The following ACTR3C variants were observed in gnomAD, a reference collection of about 807,000 sequenced individuals.
The protein encoded by ACTR3C is actin-related protein 3C.
A neutral mutation model predicts 26.3 loss-of-function variants in ACTR3C; 18 were observed. The observed-to-expected ratio is 0.68, with a 90% CI of 0.47 to 1.01. The LOEUF is 1.01. Among genes scored for constraint, ACTR3C ranks in the 50% least tolerant of loss-of-function variants. ACTR3C has a pLI of 0.00. For missense variants in ACTR3C, 184 were observed against 250.7 expected, an observed-to-expected ratio of 0.73 and a Z score of 1.80; for synonymous variants, 55 against 94.5, an observed-to-expected ratio of 0.58 and a Z score of 2.42.
chr7:150,299,464 CAAA>C (rs759969034), intron 1 of ACTR3C, among the ~76,000 whole-genome samples: 333 of 14,038 alleles, frequency 0.024, 1 homozygote, highest in African/African-American at 0.069. Context: ...GACCCCCTCT[CAAA>C]AAAAAAAAAA....
chr7:149,887,560 T>C, the ACTR3C span, among the ~76,000 whole-genome samples: 1 of 152,160 alleles, frequency 6.6e-6, no homozygotes, highest in Non-Finnish European at 1.5e-5. Flanking sequence ...ATAAACTGGC[T>C]CCCAGAGCTG....
the ACTR3C span, among the ~76,000 whole-genome samples, chr7:150,194,286 T>C: frequency 6.8e-6 from 1 of 147,186 alleles, no homozygotes; most frequent in East Asian, 1.9e-4. Flanking sequence ...TTATATAATA[T>C]ATAAAAGTCT....
chr7:150,316,040 A>C (rs1489392859), intron 1 of ACTR3C, among the ~76,000 whole-genome samples: 1 of 152,224 alleles, frequency 6.6e-6, no homozygotes, highest in Non-Finnish European at 1.5e-5. Context: ...TCTACTAAAA[A>C]TACGAAATTA....
the ACTR3C span, among the ~76,000 whole-genome samples, chr7:150,127,828 T>C: frequency 6.6e-5 from 10 of 151,590 alleles, no homozygotes; most frequent in African/African-American, 2.4e-4. Context: ...CACCGTTACA[T>C]CTAACCCACT....
chr7:149,910,034 T>C, the ACTR3C span, among the ~76,000 whole-genome samples: 1 of 148,902 alleles, frequency 6.7e-6, no homozygotes, highest in South Asian at 2.1e-4. Flanking sequence ...GTGAAGAAAG[T>C]AGAAATTATC....
the ACTR3C span, among the ~76,000 whole-genome samples, chr7:150,158,962 C>CGT: frequency 3.5e-5 from 5 of 144,034 alleles, no homozygotes; most frequent in Admixed American, 1.4e-4. Context: ...CAGGTACACA[C>CGT]GTGCGCACAC....
At chr7:149,894,610 C>G in the ACTR3C span, among the ~76,000 whole-genome samples, 42 of 152,120 alleles carry the variant, frequency 2.8e-4, 1 homozygote, top group South Asian at 8.1e-3. Flanking sequence ...AGAAGACATA[C>G]AAATGGCCAA....
chr7:150,086,764 G>A, the ACTR3C span, among the ~76,000 whole-genome samples: 61 of 152,256 alleles, frequency 4.0e-4, no homozygotes, highest in South Asian at 9.9e-3. Context: ...CAATGTGACC[G>A]GGATCTGATG....
At chr7:150,236,013 C>T in the ACTR3C span, among the ~76,000 whole-genome samples, 29 of 149,672 alleles carry the variant, frequency 1.9e-4, no homozygotes, top group South Asian at 6.1e-3. Flanking sequence ...ACTGGTTAAA[C>T]TTTCTACCAT....
chr7:150,043,607 G>A, the ACTR3C span, among the ~76,000 whole-genome samples: 1 of 152,232 alleles, frequency 6.6e-6, no homozygotes, highest in Non-Finnish European at 1.5e-5. Context: ...GGGATCAAGA[G>A]AGGGCAACAT....
At chr7:150,044,448 GT>G in the ACTR3C span, among the ~76,000 whole-genome samples, 1 of 152,026 alleles carries the variant, frequency 6.6e-6, no homozygotes, top group Non-Finnish European at 1.5e-5. Context: ...AGACCCTCTG[GT>G]TTTATTTCTA....
chr7:150,161,222 A>ATATATATATATATTTATT, the ACTR3C span, among the ~76,000 whole-genome samples: 1 of 120,380 alleles, frequency 8.3e-6, no homozygotes, highest in Non-Finnish European at 1.7e-5. Flanking sequence ...ATATATATAT[A>ATATATATATATATTTATT]TATTTATTAT....
intron 4 of ACTR3C, among the ~76,000 whole-genome samples, chr7:150,287,291 G>A (rs1375505770): frequency 3.9e-5 from 6 of 152,094 alleles, no homozygotes; most frequent in African/African-American, 1.2e-4. Flanking sequence ...GACATGGTAG[G>A]TTATAAAGTG....
chr7:150,087,519 G>T, the ACTR3C span, among the ~76,000 whole-genome samples: 1 of 152,176 alleles, frequency 6.6e-6, no homozygotes, highest in Admixed American at 6.5e-5. Context: ...GCATGAGGGG[G>T]CTCCTCACTT....
the ACTR3C span, among the ~76,000 whole-genome samples, chr7:150,029,418 CAAA>C: frequency 1.2e-4 from 2 of 17,386 alleles, no homozygotes; most frequent in African/African-American, 3.9e-4. Flanking sequence ...AAAAAAAAAA[CAAA>C]CAAAAAAAAA....
intron 4 of ACTR3C, among the ~76,000 whole-genome samples, chr7:150,287,139 C>A (rs1412092174): frequency 7.9e-5 from 12 of 151,534 alleles, no homozygotes; most frequent in Admixed American, 6.5e-5. Context: ...ACCTTGTTGA[C>A]TGGGTATTCT....
chr7:149,911,776 A>G, the ACTR3C span, among the ~76,000 whole-genome samples: 1 of 152,112 alleles, frequency 6.6e-6, no homozygotes. Flanking sequence ...TGAGTATACT[A>G]TACTGGTTAA....
At chr7:149,972,026 C>T in the ACTR3C span, among the ~76,000 whole-genome samples, 1 of 152,198 alleles carries the variant, frequency 6.6e-6, no homozygotes, top group East Asian at 1.9e-4. Flanking sequence ...GTTCGGAACA[C>T]AATCTGTGTG....
the ACTR3C span, among the ~76,000 whole-genome samples, chr7:150,095,225 C>A: frequency 6.7e-6 from 1 of 149,180 alleles, no homozygotes; most frequent in Non-Finnish European, 1.5e-5. Context: ...TCAGAGTATT[C>A]TTAAAAGTCA....
Sources: allele counts gnomAD v4.1 joint callset (sites outside exome capture counted in the v4.1 genomes callset), GRCh38; gene constraint gnomAD v4.1.1; transcripts MANE v1.5; gene names NCBI Gene and HGNC (gene_info 2026-07-23, HGNC 2026-07-21).